ACCSL: variants seen among roughly 807,000 people sequenced by gnomAD.
ACCSL encodes 1-aminocyclopropane-1-carboxylate synthase homolog (inactive) like, also known as probable inactive 1-aminocyclopropane-1-carboxylate synthase-like protein 2.
A neutral mutation model predicts 61.7 loss-of-function variants in ACCSL; 55 were observed. That is an observed-to-expected ratio of 0.89 (90% CI 0.72 to 1.12). The LOEUF (loss-of-function observed/expected upper bound fraction) is 1.12. ACCSL is among the 50% of genes most tolerant of loss of function. ACCSL has a pLI of 0.00. For synonymous variants in ACCSL, 258 were observed against 264.3 expected (o/e 0.98, Z 0.23); for missense variants, 632 against 698.0 (o/e 0.91, Z 1.07).
the ACCSL span, among the ~76,000 whole-genome samples, chr11:43,967,600 A>G: frequency 6.6e-6 from 1 of 152,132 alleles, no homozygotes; most frequent in Non-Finnish European, 1.5e-5. Context: ...ATGAAGATTT[A>G]TTAATCCACA....
the ACCSL span, among the ~76,000 whole-genome samples, chr11:43,951,893 C>T: frequency 1.4e-3 from 212 of 152,126 alleles, 2 homozygotes; most frequent in African/African-American, 4.9e-3. Flanking sequence ...CCCAGCTACT[C>T]GGGAGACTGA....
At chr11:43,953,936 A>G in the ACCSL span, among the ~76,000 whole-genome samples, 1 of 152,146 alleles carries the variant, frequency 6.6e-6, no homozygotes, top group Non-Finnish European at 1.5e-5. Flanking sequence ...CTTTCTTGTG[A>G]GAGATCCAAG....
the ACCSL span, among the ~76,000 whole-genome samples, chr11:43,946,103 T>C: frequency 3.9e-5 from 6 of 152,150 alleles, no homozygotes; most frequent in Non-Finnish European, 7.3e-5. Context: ...TTTGTTTGTT[T>C]TGAGATGGAG....
upstream of ACCSL, among the ~76,000 whole-genome samples, chr11:44,044,341 C>G (rs1485567762): frequency 6.6e-6 from 1 of 152,164 alleles, no homozygotes; most frequent in East Asian, 1.9e-4. Flanking sequence ...TCATCACATT[C>G]TTCTCATCTT....
chr11:43,973,052 C>T, the ACCSL span, among the ~76,000 whole-genome samples: 2 of 152,144 alleles, frequency 1.3e-5, no homozygotes, highest in Non-Finnish European at 2.9e-5. Flanking sequence ...GATTCTTGGA[C>T]CCTGCCTCAA....
At chr11:44,057,600 A>G (rs1952679276) in intron 11 of ACCSL, among the ~76,000 whole-genome samples, 1 of 152,232 alleles carries the variant, frequency 6.6e-6, no homozygotes, top group Non-Finnish European at 1.5e-5. Flanking sequence ...GCAGAGGGCA[A>G]CTGGCCAAGA....
chr11:43,999,371 A>G, the ACCSL span, among the ~76,000 whole-genome samples: 2 of 152,148 alleles, frequency 1.3e-5, no homozygotes, highest in Non-Finnish European at 2.9e-5. Flanking sequence ...CTACTTCAGG[A>G]TCTCTCAAAA....
the ACCSL span, among the ~76,000 whole-genome samples, chr11:43,999,546 C>T: frequency 6.6e-6 from 1 of 152,160 alleles, no homozygotes; most frequent in Non-Finnish European, 1.5e-5. Context: ...AGCTCCTTGT[C>T]ACATGGGTTT....
rs745906456 is a variant in ACCSL at position 44,053,438 on chromosome 11, C to A, written c.981C>A (p.Asn327Lys). ...AGGTCCGAGGCCTTGTGCTAATCAA[C>A]CCTCAGAATCCTCTGGGTGACATCT... Reference protein sequence around the residue: ...GKKVRGLVLINPQNPLGDIYS... With the variant: ...GKKVRGLVLIKPQNPLGDIYS... Residue 327 changes from asparagine (N) to lysine (K), a missense_variant, in exon 8 of 14, where the codon AAC becomes AAA. By Grantham distance (94) the Asn-to-Lys change is moderately conservative (BLOSUM62 0). Transcript: ENST00000378832. The A allele has an allele frequency of 1.7e-5, 28 of 1,614,048 alleles. No homozygotes were observed. The South Asian group carries it at 2.5e-4, about 15-fold the overall frequency.
the ACCSL span, among the ~76,000 whole-genome samples, chr11:43,928,808 G>T: frequency 6.6e-6 from 1 of 152,246 alleles, no homozygotes; most frequent in Non-Finnish European, 1.5e-5. Context: ...GAGTTAGGGA[G>T]GCTGGGAAAA....
At chr11:44,039,538 A>G in the ACCSL span, among the ~76,000 whole-genome samples, 1 of 152,220 alleles carries the variant, frequency 6.6e-6, no homozygotes, top group East Asian at 1.9e-4. Flanking sequence ...ATAAAAGACT[A>G]TAAATTGAGT....
chr11:43,954,298 A>G, the ACCSL span, among the ~76,000 whole-genome samples: 1 of 152,172 alleles, frequency 6.6e-6, no homozygotes, highest in Admixed American at 6.6e-5. Context: ...CAGACACACA[A>G]GGAGTGAGGT....
At chr11:44,038,171 G>C in the ACCSL span, among the ~76,000 whole-genome samples, 76 of 152,270 alleles carry the variant, frequency 5.0e-4, no homozygotes, top group African/African-American at 1.8e-3. Context: ...TGAGCATGAG[G>C]AGCGGGTTGT....
At chr11:43,946,669 GAATA>G in the ACCSL span, among the ~76,000 whole-genome samples, 20 of 152,222 alleles carry the variant, frequency 1.3e-4, no homozygotes, top group South Asian at 2.7e-3. Context: ...AAATTCTATT[GAATA>G]GATACTCCAT....
At chr11:43,958,875 C>T in the ACCSL span, among the ~76,000 whole-genome samples, 1 of 152,052 alleles carries the variant, frequency 6.6e-6, no homozygotes, top group African/African-American at 2.4e-5. Flanking sequence ...CAACTGGGGG[C>T]TTAGAATTTT....
the ACCSL span, among the ~76,000 whole-genome samples, chr11:43,961,196 T>G: frequency 2.0e-5 from 3 of 152,188 alleles, no homozygotes; most frequent in African/African-American, 7.2e-5. Context: ...TTTATCTTTT[T>G]GGGACATTGT....
At chr11:43,954,155 T>C in the ACCSL span, among the ~76,000 whole-genome samples, 1 of 152,106 alleles carries the variant, frequency 6.6e-6, no homozygotes, top group African/African-American at 2.4e-5. Context: ...TGTAAGTAGA[T>C]GGGATTGGGG....
chr11:43,985,274 A>C, the ACCSL span, among the ~76,000 whole-genome samples: 1 of 152,300 alleles, frequency 6.6e-6, no homozygotes, highest in South Asian at 2.1e-4. Flanking sequence ...GTGTACCTCC[A>C]GTGTGAGAGG....
chr11:43,984,838 G>C, the ACCSL span, among the ~76,000 whole-genome samples: 1 of 152,280 alleles, frequency 6.6e-6, no homozygotes, highest in Admixed American at 6.5e-5. Flanking sequence ...TAGATGCGGA[G>C]AGCAGGTGGC....
Sources: gnomAD v4.1 joint callset for allele counts (sites outside exome capture counted in the v4.1 genomes callset) on GRCh38, gnomAD v4.1.1 for gene constraint, MANE v1.5 for transcripts, NCBI Gene and HGNC (gene_info 2026-07-23, HGNC 2026-07-21) for gene names.